The following ABI3BP variants were observed in gnomAD, a reference collection of about 807,000 sequenced individuals.
ABI3BP encodes the protein ABI family member 3 binding protein.
Under a neutral mutation model 268.6 loss-of-function variants are expected in ABI3BP, and 216 were observed. That is an observed-to-expected ratio of 0.80 (90% CI 0.72 to 0.90). The LOEUF (loss-of-function observed/expected upper bound fraction) is 0.90. ABI3BP is among the 40% of genes least tolerant of loss of function. The pLI is 0.00. For synonymous variants in ABI3BP, 730 were observed against 730.0 expected (o/e 1.00, Z 0.00); for missense variants, 2,090 against 2,182.4 (o/e 0.96, Z 0.84).
chr3:100,820,442 A>G, intron 39 of ABI3BP, 139 bp from the exon 40 acceptor site: 1 of 539,762 alleles, frequency 1.9e-6, no homozygotes, highest in South Asian at 3.4e-5. Context: ...CTTTTTAATT[A>G]GAAACATTCA....
intron 65 of ABI3BP, among the ~76,000 whole-genome samples, chr3:100,753,561 G>A (rs1213739435): frequency 6.6e-6 from 1 of 152,072 alleles, no homozygotes; most frequent in Non-Finnish European, 1.5e-5. Flanking sequence ...CAGAGTGCTG[G>A]GATTACACTG....
In ABI3BP at chr3:100,796,469, C is replaced by T; in HGVS notation, c.3758-1G>A. The T allele has an allele frequency of 6.3e-7, 1 of 1,599,816 alleles. No homozygotes were observed. Among genetic ancestry groups the T allele is most frequent in the Non-Finnish European group, 8.5e-7 (1 of 1,172,732 alleles). On this transcript the variant is annotated splice_acceptor_variant, in intron 51 of 67. Transcript: ENST00000471714. LOFTEE classifies it high-confidence loss of function. ...TGAGGAAGGAGCACATCTTTTGGAG[C>T]TGAAAGAAAAAGATTATAAAACACT...
intron 4 of ABI3BP, among the ~76,000 whole-genome samples, chr3:100,894,953 A>AC: frequency 8.5e-6 from 1 of 118,148 alleles, no homozygotes; most frequent in Non-Finnish European, 2.1e-5. Context: ...AAAAAAAAAA[A>AC]AAAAAAAAAA....
intron 1 of ABI3BP, among the ~76,000 whole-genome samples, chr3:100,934,466 A>G (rs1465836378): frequency 6.6e-6 from 1 of 152,188 alleles, no homozygotes; most frequent in African/African-American, 2.4e-5. Context: ...TCTTTATAGT[A>G]GAATGATTTA....
intron 20 of ABI3BP, among the ~76,000 whole-genome samples, chr3:100,845,644 A>ATG (rs777357309): frequency 0.048 from 7,335 of 152,226 alleles, 215 homozygotes; most frequent in Non-Finnish European, 0.052. Flanking sequence ...AAGGGTTTAA[A>ATG]ATTTAGATAA....
chr3:100,901,864 T>A (rs1182832736), intron 3 of ABI3BP, among the ~76,000 whole-genome samples: 1 of 152,186 alleles, frequency 6.6e-6, no homozygotes, highest in Non-Finnish European at 1.5e-5. Flanking sequence ...TCACAGCTTC[T>A]TCCTTATAGC....
chr3:100,894,922 G>A (rs1158479129), intron 4 of ABI3BP, among the ~76,000 whole-genome samples: 1 of 61,378 alleles, frequency 1.6e-5, no homozygotes, highest in Non-Finnish European at 3.3e-5. Context: ...CTGGGCGACA[G>A]AGCGGGATTC....
At chr3:100,851,846 CA>C (rs2098843265) in intron 15 of ABI3BP, 28 bp downstream of exon 15, 2 of 1,553,304 alleles carry the variant, frequency 1.3e-6, no homozygotes, top group Non-Finnish European at 1.7e-6. Context: ...ACCTGGGATC[CA>C]AAGACAGAAT....
Position 100,823,527 on chromosome 3 carries a change from A to G in ABI3BP, c.2747-13T>C. ...ACTGTAGCAGGAACTGACCAAAACA[A>G]CATGTAAATCAAAGAGATTTTTAAA... is the stretch of plus-strand genomic sequence containing the variant. On this transcript the variant is annotated splice_polypyrimidine_tract_variant and intron_variant, in intron 36 of 67. Coordinates refer to ENST00000471714, the MANE Select transcript of ABI3BP (RefSeq NM_001375547.2). 6.6e-7 allele frequency: 1 copy of G among 1,524,984 alleles called. No individual in the cohort carries two copies. The highest frequency in any genetic ancestry group is 8.8e-7 in the Non-Finnish European group (1 of 1,141,338). The allele number at this position is 1,524,984 out of a possible 1,614,324, so 94.5% of individuals were successfully genotyped here. A position where few individuals can be genotyped will look rare whatever the true frequency, so the allele number is the denominator to read the frequency against.
At chr3:100,753,729 G>T in intron 65 of ABI3BP, 90 bp downstream of exon 65, 1 of 1,456,264 alleles carries the variant, frequency 6.9e-7, no homozygotes, top group South Asian at 1.2e-5. Context: ...GTGGAAAAAC[G>T]CGAAATCATG....
At chr3:100,903,488 A>G (rs1377903036) in intron 2 of ABI3BP, among the ~76,000 whole-genome samples, 1 of 152,240 alleles carries the variant, frequency 6.6e-6, no homozygotes, top group East Asian at 1.9e-4. Context: ...AAGCAACTCT[A>G]CTGGATTAAT....
chr3:100,845,230 T>C (rs2098753438), intron 20 of ABI3BP, among the ~76,000 whole-genome samples: 1 of 152,194 alleles, frequency 6.6e-6, no homozygotes, highest in South Asian at 2.1e-4. Context: ...CATACAGCTG[T>C]CAGAGTTATT....
chr3:100,781,563 G>A lies in ABI3BP; in HGVS notation c.4163-1354C>T, dbSNP rs114860499. Among the ~76,000 whole-genome samples, 544 of 152,220 alleles carry A rather than the reference G, an allele frequency of 3.6e-3. 5 individuals are homozygous for A. Among genetic ancestry groups the A allele is most frequent in the Non-Finnish European group, 5.3e-3 (361 of 68,012 alleles). On this transcript the variant is annotated intron_variant, in intron 57 of 67. Transcript: ENST00000471714. ...TCAGGGGTAGTGGGGAAGGGAAATG[G>A]CTCATTTGAGTGGTTACTCTGTGAA... is the stretch of plus-strand genomic sequence containing the variant.
intron 51 of ABI3BP, among the ~76,000 whole-genome samples, chr3:100,799,889 A>T (rs1316435874): frequency 2.6e-5 from 4 of 152,178 alleles, no homozygotes; most frequent in African/African-American, 7.2e-5. Context: ...TCCAGAAAAC[A>T]TCTTCAACCA....
rs534063911 is a variant in ABI3BP, at chr3:100,879,968, A to C, written c.697-3408T>G. Among the ~76,000 whole-genome samples, 4 of 152,314 alleles carry C rather than the reference A, an allele frequency of 2.6e-5. No homozygotes were observed. In the South Asian group the frequency reaches 8.3e-4, roughly 32 times the overall value. On this transcript the variant is annotated intron_variant, in intron 6 of 67. Transcript: ENST00000471714. ...TGTCTTATCAAATAAAAGGGCAGGG[A>C]AAAGTTTGTTAACCAGACTCACTGC...
intron 23 of ABI3BP, 77 bp downstream of exon 23, chr3:100,839,995 C>T (rs1320511588): frequency 4.7e-6 from 6 of 1,264,280 alleles, no homozygotes; most frequent in African/African-American, 1.5e-5. Context: ...AGCCCAGTTG[C>T]TCAAGTAGCT....
At chr3:100,801,326 G>A (rs767510186) in intron 51 of ABI3BP, among the ~76,000 whole-genome samples, 4 of 151,274 alleles carry the variant, frequency 2.6e-5, no homozygotes, top group Admixed American at 1.3e-4. Flanking sequence ...TACTTGGGAG[G>A]CTGAGGCAGG....
intron 51 of ABI3BP, among the ~76,000 whole-genome samples, chr3:100,799,626 T>G (rs1272763963): frequency 6.6e-6 from 1 of 152,114 alleles, no homozygotes; most frequent in Non-Finnish European, 1.5e-5. Flanking sequence ...CCTTCTCTTC[T>G]TAGGCCTTTT....
intron 34 of ABI3BP, among the ~76,000 whole-genome samples, chr3:100,828,070 TA>T (rs1372503595): frequency 1.3e-5 from 2 of 152,090 alleles, no homozygotes; most frequent in Non-Finnish European, 2.9e-5. Context: ...GGGAGGTGTA[TA>T]AGGGATATAT....
Sources: gnomAD v4.1 joint callset for allele counts (sites outside exome capture counted in the v4.1 genomes callset) on GRCh38, gnomAD v4.1.1 for gene constraint, MANE v1.5 for transcripts, NCBI Gene and HGNC (gene_info 2026-07-23, HGNC 2026-07-21) for gene names.